Variants in PREPL observed in about 807,000 individuals in gnomAD.
The protein encoded by PREPL is prolyl endopeptidase-like.
PREPL carries 77 observed loss-of-function variants against 70.6 expected under a neutral mutation model. The observed-to-expected ratio is 1.09, with a 90% confidence interval of 0.91 to 1.32. The LOEUF is 1.32. Among genes scored for constraint, PREPL ranks in the 40% most tolerant of loss-of-function variants. The pLI is 0.00. For synonymous variants in PREPL, 315 were observed against 264.8 expected (o/e 1.19, Z -1.84); for missense variants, 1,002 against 778.2 (o/e 1.29, Z -3.42).
rs201059079 is a variant in PREPL, at chr2:44,344,551, A to T, written c.111T>A (p.Gly37=). Residue 37 remains glycine, a synonymous_variant, in exon 3 of 14, where the codon GGT becomes GGA. Coordinates refer to ENST00000409411, the MANE Select transcript of PREPL (RefSeq NM_001171613.2). The stretch of plus-strand genomic sequence containing the variant: ...CATCTTTGGAACGAACCAAGCAACA[A>T]CCTTCTTGGTAATAAACAAAACCAC... ...KHGGFVYYQE[G]CCLVRSKDEE... is the part of the protein sequence containing the mutation. The T allele has an allele frequency of 1.9e-6, 3 of 1,604,386 alleles. No individual in the cohort carries two copies. In the East Asian group the frequency reaches 6.7e-5, roughly 36 times the overall value.
In PREPL at chr2:44,323,401, A is replaced by G. The variant is rs1286242323; in HGVS notation, c.1490T>C (p.Leu497Ser). Residue 497 changes from leucine (L) to serine (S), a missense_variant, in exon 11 of 14, where the codon TTG becomes TCG. By Grantham distance (145) the Leu-to-Ser change is moderately radical. Coordinates refer to ENST00000409411, the MANE Select transcript of PREPL (RefSeq NM_001171613.2). ...GTCCATCATGGTGTTGAGAACATCC[A>G]AGAAAGGTGCCTAAAAAAAAGGCAA... ...VRAVTLEAPF[L>S]DVLNTMMDTT... The G allele has an allele frequency of 1.9e-6, 3 of 1,583,558 alleles. No homozygotes were observed. In the South Asian group the frequency reaches 3.5e-5, roughly 19 times the overall value.
intron 2 of PREPL, 126 bp downstream of exon 2, chr2:44,346,142 G>T: frequency 2.5e-6 from 2 of 805,056 alleles, no homozygotes; most frequent in Non-Finnish European, 1.9e-6. Context: ...AAGTTTTTCA[G>T]CATATTTTAA....
chr2:44,343,647 G>T, intron 4 of PREPL, 98 bp downstream of exon 4: 1 of 1,032,634 alleles, frequency 9.7e-7, no homozygotes, highest in Non-Finnish European at 1.5e-6. Flanking sequence ...CATGAATCAG[G>T]CATTCACCTT....
intron 1 of PREPL, among the ~76,000 whole-genome samples, chr2:44,355,774 T>C (rs397833917): frequency 7.4e-6 from 1 of 134,818 alleles, no homozygotes; most frequent in Non-Finnish European, 1.6e-5. Flanking sequence ...TATATATATA[T>C]ATATACACAC....
chr2:44,350,080 T>C (rs1435690010), intron 1 of PREPL, among the ~76,000 whole-genome samples: 1 of 152,140 alleles, frequency 6.6e-6, no homozygotes, highest in African/African-American at 2.4e-5. Context: ...GAGGTAAAAC[T>C]ACTCATTTTA....
chr2:44,342,932 T>C (rs1214610828), intron 4 of PREPL, among the ~76,000 whole-genome samples: 1 of 152,192 alleles, frequency 6.6e-6, no homozygotes, highest in African/African-American at 2.4e-5. Context: ...CTCTCATGTG[T>C]AAACCTTCTC....
Position 44,342,334 on chromosome 2 carries a change from C to T in PREPL, c.485+83G>A, listed in dbSNP as rs137942689. ...TATTCCTGGTTCCAACCAAAATAAACGTTTTAAGTCAACCAAAGTCAGTAC... is the reference window on the plus strand; with the variant it reads ...TATTCCTGGTTCCAACCAAAATAAATGTTTTAAGTCAACCAAAGTCAGTAC... On this transcript the variant is annotated intron_variant, in intron 5 of 13. Transcript: ENST00000409411. 1.1e-4 allele frequency: 144 copies of T among 1,270,000 alleles called. 1 individual carries two copies. In the East Asian group the frequency reaches 3.3e-3, roughly 29 times the overall value. The allele number at this position is 1,270,000 out of a possible 1,614,324, so 78.7% of individuals were successfully genotyped here.
rs776490700 is a variant in PREPL, at chr2:44,339,136, T to C, written c.702+11A>G. ...ACAGCCCAAATAGGAACAACGAGCA[T>C]CCAGGATTACCTTAAATTCTGTAGG... is the stretch of plus-strand genomic sequence containing the variant. On this transcript the variant is annotated intron_variant, in intron 6 of 13. Transcript: ENST00000409411. 24 of 1,612,962 alleles carry C rather than the reference T, an allele frequency of 1.5e-5. No homozygotes were observed. The highest frequency in any genetic ancestry group is 2.0e-5 in the Non-Finnish European group (23 of 1,179,160).
chr2:44,338,829 G>T (rs1031501682), intron 6 of PREPL, among the ~76,000 whole-genome samples: 4 of 152,212 alleles, frequency 2.6e-5, no homozygotes, highest in African/African-American at 9.6e-5. Context: ...GCTGATATCA[G>T]CAGAAGAACT....
rs368239846 is a variant in PREPL, at chr2:44,342,449, A to G, written c.453T>C (p.Arg151=). The change falls in exon 5 of 14, where the codon CGT becomes CGC. Residue 151 remains arginine, a synonymous_variant. Coordinates refer to ENST00000409411, the MANE Select transcript of PREPL (RefSeq NM_001171613.2). ...CTTTTTCTGTGTAAAAGCGTTCATT[A>G]CGTTTGTTATCACCAAAAGTGGCTC... ...VYRATFGDNK[R]NERFYTEKDP... 29 of 1,613,264 alleles carry G rather than the reference A, an allele frequency of 1.8e-5. No homozygotes were observed. In the African/African-American group the frequency reaches 3.5e-4, roughly 19 times the overall value.
At chr2:44,354,900 A>G (rs1676851400) in intron 1 of PREPL, among the ~76,000 whole-genome samples, 1 of 152,208 alleles carries the variant, frequency 6.6e-6, no homozygotes, top group Non-Finnish European at 1.5e-5. Flanking sequence ...AGATCTGAAT[A>G]TCAGTAAGAT....
At position 44,320,717 on chromosome 2, in the gene PREPL, C is replaced by T. The variant is rs1212735334; in HGVS notation, c.*639G>A. 3.7e-6 allele frequency: 4 copies of T among 1,078,316 alleles called. No homozygotes were observed. The African/African-American group carries it at 4.6e-5, about 13-fold the overall frequency. 66.8% of individuals were successfully genotyped at this position (1,078,316 alleles called of 1,614,324 possible). A position where few individuals can be genotyped will look rare whatever the true frequency, so the allele number is the denominator to read the frequency against. Reference sequence around the variant, plus strand: ...TTGTAATAGCTTCATGTACAGCATGCTGCTTGGTGAACAATCATTAATTCT... The same window carrying T: ...TTGTAATAGCTTCATGTACAGCATGTTGCTTGGTGAACAATCATTAATTCT... On this transcript the variant is annotated 3_prime_UTR_variant, in exon 14 of 14. Coordinates refer to ENST00000409411, the MANE Select transcript of PREPL (RefSeq NM_001171613.2).
chr2:44,345,066 T>C (rs1229327312), intron 2 of PREPL, among the ~76,000 whole-genome samples: 1 of 152,232 alleles, frequency 6.6e-6, no homozygotes, highest in Non-Finnish European at 1.5e-5. Context: ...ATACACAGTC[T>C]TGACTTAACA....
intron 1 of PREPL, among the ~76,000 whole-genome samples, chr2:44,350,987 A>C (rs1053900083): frequency 1.3e-5 from 2 of 149,130 alleles, no homozygotes; most frequent in Admixed American, 1.3e-4. Flanking sequence ...TTGAGATGGG[A>C]TTTCGGCTCC....
chr2:44,339,254 G>C lies in PREPL; in HGVS notation c.595C>G (p.Pro199Ala). The change falls in exon 6 of 14, where the codon CCA (proline) becomes GCA (alanine). Residue 199 changes from proline (P) to alanine (A), a missense_variant. By Grantham distance (27) the Pro-to-Ala change is conservative. Transcript: ENST00000409411. The part of the protein sequence containing the change: ...WLIDGLSPWD[P>A]PVLIQKRIHG... ...ATTCGCTTCTGGATAAGTACTGGTG[G>C]GTCCCAAGGGCTCAGGCCATCTATC... 1.2e-6 allele frequency: 2 copies of C among 1,614,080 alleles called. No homozygotes were observed. Among genetic ancestry groups the C allele is most frequent in the Non-Finnish European group, 8.5e-7 (1 of 1,180,000 alleles).
intron 10 of PREPL, 32 bp from the exon 11 acceptor site, chr2:44,323,443 A>G: frequency 6.5e-7 from 1 of 1,527,350 alleles, no homozygotes; most frequent in African/African-American, 1.4e-5. Context: ...TTATACTTCA[A>G]GTAAGAGGTT....
chr2:44,346,053 T>G (rs1007100709), intron 2 of PREPL, among the ~76,000 whole-genome samples: 13 of 152,164 alleles, frequency 8.5e-5, no homozygotes, highest in Non-Finnish European at 4.4e-5. Context: ...AAAATTCATC[T>G]TACTTTCGAT....
Position 44,320,380 on chromosome 2 carries a change from G to A in PREPL, c.*976C>T, listed in dbSNP as rs141944551. On this transcript the variant is annotated 3_prime_UTR_variant, in exon 14 of 14. Transcript: ENST00000409411. ...ATCTTTATCGTGGTTCTGAATTTTG[G>A]AGAATCAACACTGTTAAATCTACAT... 1.5e-4 allele frequency: 241 copies of A among 1,613,900 alleles called. No homozygotes were observed. Among genetic ancestry groups the A allele is most frequent in the Non-Finnish European group, 1.9e-4 (227 of 1,179,936 alleles).
intron 1 of PREPL, among the ~76,000 whole-genome samples, chr2:44,353,211 G>C (rs1558519008): frequency 1.3e-5 from 2 of 152,182 alleles, no homozygotes; most frequent in Admixed American, 1.3e-4. Flanking sequence ...GACTCTACTA[G>C]TTTTCTTACT....
Sources: gnomAD v4.1 joint callset for allele counts (sites outside exome capture counted in the v4.1 genomes callset) on GRCh38, gnomAD v4.1.1 for gene constraint, MANE v1.5 for transcripts, NCBI Gene and HGNC (gene_info 2026-07-23, HGNC 2026-07-21) for gene names.